The following CPSF1 variants were observed in gnomAD, a reference collection of about 807,000 sequenced individuals.
The protein encoded by CPSF1 is cleavage and polyadenylation specific factor 1.
In CPSF1, 106 loss-of-function variants were observed where a neutral mutation model predicts 175.8. That is an observed-to-expected ratio of 0.60 (90% confidence interval 0.52 to 0.71). CPSF1 has a LOEUF of 0.71. Ranked by LOEUF, CPSF1 falls within the 30% of genes least tolerant of loss-of-function variation. The probability of loss-of-function intolerance (pLI) is 0.00; values close to 1 mark genes in which losing one functional copy is unlikely to be tolerated. For synonymous variants in CPSF1, 1,024 were observed against 858.3 expected (o/e 1.19, Z -3.37); for missense variants, 1,734 against 2,022.9 (o/e 0.86, Z 2.74).
rs1554867155 is a variant in CPSF1 at position 144,401,491 on chromosome 8, G to A, written c.245C>T (p.Ala82Val). The A allele has an allele frequency of 6.2e-7, 1 of 1,613,910 alleles. No homozygotes were observed. ...CTTGGCTCCTGCCAGCTGCACGCTG[G>A]CCATGGACATGACGTTGCCAAAGAA... ...FSFFGNVMSM[A>V]SVQLAGAKRD... The change falls in exon 4 of 38, where the codon GCC (alanine) becomes GTC (valine). Residue 82 changes from alanine to valine, a missense_variant. By Grantham distance (64) the Ala-to-Val change is moderately conservative. Transcript: ENST00000616140.
intron 26 of CPSF1, chr8:144,395,901 T>C: frequency 2.3e-6 from 1 of 432,414 alleles, no homozygotes; most frequent in Non-Finnish European, 4.3e-6. Context: ...TGGACAGTCC[T>C]GAGTCCTCAG....
At position 144,394,304 on chromosome 8, in the gene CPSF1, G is replaced by A. The variant is rs1205732573; in HGVS notation, c.3745-4C>T. On this transcript the variant is annotated splice_region_variant and splice_polypyrimidine_tract_variant and intron_variant, in intron 32 of 37. Transcript: ENST00000616140. ...ACACCTCCAGGGGCTTGGCATCCTG[G>A]GGGCGGGAAGGGGGCGTCAGAGGTG... The A allele has an allele frequency of 3.8e-6, 6 of 1,586,438 alleles. No individual in the cohort carries two copies. The highest frequency in any genetic ancestry group is 2.2e-5 in the East Asian group (1 of 44,510).
intron 26 of CPSF1, chr8:144,395,992 T>G: frequency 2.5e-6 from 1 of 393,190 alleles, no homozygotes; most frequent in South Asian, 3.3e-5. Context: ...GGAACCAGGA[T>G]GAGAAAGCCT....
chr8:144,393,520 G>A lies in CPSF1; in HGVS notation c.4216C>T (p.Arg1406Cys), dbSNP rs1554862076. ...TCCATGGTGCTCAGGTACAGGTAGC[G>A]GTTGAGCAGCTCCCCATCCAGCACG... Reference protein sequence around the residue: ...RNVLDGELLNRYLYLSTMERS... With the variant: ...RNVLDGELLNCYLYLSTMERS... The change falls in exon 37 of 38, where the codon CGC becomes TGC. Residue 1406 changes from arginine (R) to cysteine (C), a missense_variant. Physicochemically the swap from Arg to Cys is radical, Grantham distance 180 (BLOSUM62 -3). This residue lies in a region of CPSF1 where 323 missense variants were observed against 338.5 expected (regional missense o/e 0.95). Transcript: ENST00000616140. The A allele has an allele frequency of 1.9e-6, 3 of 1,593,906 alleles. No individual in the cohort carries two copies. The highest frequency in any genetic ancestry group is 1.1e-5 in the South Asian group (1 of 87,458).
At chr8:144,406,010 G>T (rs2116903713) in intron 2 of CPSF1, among the ~76,000 whole-genome samples, 5 of 152,138 alleles carry the variant, frequency 3.3e-5, no homozygotes, top group African/African-American at 1.2e-4. Flanking sequence ...TGAAAACCTG[G>T]CTTCCAGGTC....
chr8:144,402,417 G>A (rs1212993892), intron 2 of CPSF1, among the ~76,000 whole-genome samples: 1 of 152,052 alleles, frequency 6.6e-6, no homozygotes, highest in Non-Finnish European at 1.5e-5. Flanking sequence ...AAGTGATTCT[G>A]CCTCAGCCTC....
Position 144,400,699 on chromosome 8 carries a change from G to T in CPSF1, c.658C>A (p.Leu220Met). Residue 220 changes from leucine (L) to methionine (M), a missense_variant, in exon 7 of 38, where the codon CTG becomes ATG. By Grantham distance (15) the Leu-to-Met change is conservative. Coordinates refer to ENST00000616140, the MANE Select transcript of CPSF1 (RefSeq NM_013291.3). ...HGYYEPTLLI[L>M]FEPNQTWPGR... ...GGCCAGGTCTGGTTGGGCTCAAACA[G>T]GATGAGGAGGGTAGGCTCGTAGTAG... 1 of 1,610,540 alleles carries T rather than the reference G, an allele frequency of 6.2e-7. No individual in the cohort carries two copies. Among genetic ancestry groups the T allele is most frequent in the East Asian group, 2.2e-5 (1 of 44,768 alleles).
At chr8:144,407,350 G>A (rs1300484737) in intron 2 of CPSF1, among the ~76,000 whole-genome samples, 1 of 151,894 alleles carries the variant, frequency 6.6e-6, no homozygotes, top group Non-Finnish European at 1.5e-5. Flanking sequence ...CATGTAGCTA[G>A]GACTACACAC....
chr8:144,393,763 G>GGCA lies in CPSF1; in HGVS notation c.4046_4048dup (p.Leu1349dup). 1 of 1,592,754 alleles carries GGCA rather than the reference G, an allele frequency of 6.3e-7. No homozygotes were observed. The highest frequency in any genetic ancestry group is 8.5e-7 in the Non-Finnish European group (1 of 1,175,638). ...CCGCCGGTAGGTCTTCTCCTGCATG[G>GGCA]GCAGCAGCAGCCCGATGCCGCCGTC... On this transcript the variant is annotated inframe_insertion, in exon 36 of 38. Coordinates refer to ENST00000616140, the MANE Select transcript of CPSF1 (RefSeq NM_013291.3).
rs73717823 is a variant in CPSF1 at position 144,396,402 on chromosome 8, G to A, written c.2925C>T (p.Phe975=). Residue 975 remains phenylalanine, a synonymous_variant, in exon 26 of 38, where the codon TTC becomes TTT. Transcript: ENST00000616140. ...GACAGTTGACATTGTGGAATGGAGC[G>A]AAAGAGTCGACCGGGCCGTCGATGG... ...PMAIDGPVDS[F]APFHNVNCPR... is the part of the protein sequence containing the mutation. The A allele has an allele frequency of 3.8e-5, 60 of 1,590,776 alleles. No homozygotes were observed. The African/African-American group carries it at 5.1e-4, about 13-fold the overall frequency.
In CPSF1 at chr8:144,399,118, C is replaced by T. The variant is rs1820994906; in HGVS notation, c.1467+10G>A. ...CCCCTGCCCCCAGCCCCGACCCCAACCCTGGGCACCTCTTCAGAGAGGAAG... is the reference window on the plus strand; with the variant it reads ...CCCCTGCCCCCAGCCCCGACCCCAATCCTGGGCACCTCTTCAGAGAGGAAG... On this transcript the variant is annotated intron_variant, in intron 15 of 37. Transcript: ENST00000616140. This position sits in a 1 kb window ranked among gnomAD's most constrained non-coding sequence, Gnocchi z 6.4. 6.4e-7 allele frequency: 1 copy of T among 1,557,140 alleles called. No individual in the cohort carries two copies. Among genetic ancestry groups the T allele is most frequent in the Non-Finnish European group, 8.7e-7 (1 of 1,150,804 alleles).
At position 144,398,306 on chromosome 8, in the gene CPSF1, T is replaced by C. The variant is rs782498151; in HGVS notation, c.1890A>G (p.Glu630=). ...QVSPLGIRLL[E]GVNQLHFIPV... is the part of the protein sequence containing the mutation. ...CCAACCACCCCCCCCACCTACCTCC[T>C]TCCAGCAGGCGGATGCCCAGTGGTG... Residue 630 remains glutamate (E), a synonymous_variant, in exon 19 of 38, where the codon GAA becomes GAG. Coordinates refer to ENST00000616140, the MANE Select transcript of CPSF1 (RefSeq NM_013291.3). 7.4e-7 allele frequency: 1 copy of C among 1,355,896 alleles called. No homozygotes were observed. The highest frequency in any genetic ancestry group is 9.8e-7 in the Non-Finnish European group (1 of 1,022,740). The allele number at this position is 1,355,896 out of a possible 1,614,324, so 84.0% of individuals were successfully genotyped here. A position where few individuals can be genotyped will look rare whatever the true frequency, so the allele number is the denominator to read the frequency against.
chr8:144,408,620 C>G (rs2116911391), intron 2 of CPSF1, among the ~76,000 whole-genome samples: 2 of 152,194 alleles, frequency 1.3e-5, no homozygotes, highest in East Asian at 3.8e-4. Flanking sequence ...CTCCTTTATT[C>G]CCGCAGCAGC....
chr8:144,404,431 T>C (rs1226104086), intron 2 of CPSF1, among the ~76,000 whole-genome samples: 1 of 151,200 alleles, frequency 6.6e-6, no homozygotes, highest in Non-Finnish European at 1.5e-5. Flanking sequence ...AGTGGCACAA[T>C]CTTGGCTTAC....
chr8:144,397,026 T>C, intron 23 of CPSF1, 97 bp from the exon 24 acceptor site: 1 of 928,978 alleles, frequency 1.1e-6, no homozygotes, highest in Non-Finnish European at 1.6e-6. Flanking sequence ...GGGGCGGGGC[T>C]GAGATGGGGT....
In CPSF1 at chr8:144,398,063, T is replaced by C. The variant is rs782744396; in HGVS notation, c.1964A>G (p.Tyr655Cys). ...GCCCTCGGCACTCATGATGACCACA[T>C]AGGGGTCGGCCACGGCGCACTGCAC... ...PIVQCAVADP[Y>C]VVIMSAEGHV... The change falls in exon 20 of 38, where the codon TAT becomes TGT. Residue 655 changes from tyrosine to cysteine, a missense_variant. Physicochemically the swap from Tyr to Cys is radical, Grantham distance 194 (BLOSUM62 -2). Around this residue, in one of 10 missense-constraint regions of CPSF1, gnomAD observed 280 missense variants for 349.2 expected, o/e 0.80. Transcript: ENST00000616140. 1.2e-5 allele frequency: 20 copies of C among 1,612,112 alleles called. No homozygotes were observed. Among genetic ancestry groups the C allele is most frequent in the East Asian group, 2.2e-5 (1 of 44,878 alleles).
Position 144,396,744 on chromosome 8 carries a change from G to A in CPSF1, c.2683-3C>T. On this transcript the variant is annotated splice_region_variant and splice_polypyrimidine_tract_variant and intron_variant, in intron 24 of 37. Coordinates refer to ENST00000616140, the MANE Select transcript of CPSF1 (RefSeq NM_013291.3). ...CGGAAGTTGATGTTGTGAGGGACCTGGGGGGGAACCATGCAGGTCCTCCAG... is the reference window on the plus strand; with the variant it reads ...CGGAAGTTGATGTTGTGAGGGACCTAGGGGGGAACCATGCAGGTCCTCCAG... 6.2e-7 allele frequency: 1 copy of A among 1,613,452 alleles called. No homozygotes were observed. The highest frequency in any genetic ancestry group is 1.7e-5 in the Admixed American group (1 of 59,988).
chr8:144,402,288 T>C (rs1255771536), intron 2 of CPSF1, among the ~76,000 whole-genome samples: 4 of 152,144 alleles, frequency 2.6e-5, no homozygotes, highest in Non-Finnish European at 5.9e-5. Context: ...AAAAGTGGTT[T>C]TTGTTTTGTT....
rs782105951 is a variant in CPSF1 at position 144,393,690 on chromosome 8, G to C, written c.4122C>G (p.Ala1374=). The part of the protein sequence containing the change: ...NALTTMLPHH[A]GLNPRAFRML... ...ACCGGAAGGCGCGGGGGTTGAGGCCGGCGTGGTGTGGCAGCATGGTGGTCA... is the reference window on the plus strand; with the variant it reads ...ACCGGAAGGCGCGGGGGTTGAGGCCCGCGTGGTGTGGCAGCATGGTGGTCA... Residue 1374 remains alanine, a synonymous_variant, in exon 36 of 38, where the codon GCC becomes GCG. Transcript: ENST00000616140. 6.4e-7 allele frequency: 1 copy of C among 1,562,102 alleles called. No individual in the cohort carries two copies. Among genetic ancestry groups the C allele is most frequent in the East Asian group, 2.3e-5 (1 of 42,998 alleles).
Sources: allele counts gnomAD v4.1 joint callset (sites outside exome capture counted in the v4.1 genomes callset), GRCh38; gene constraint gnomAD v4.1.1; regional missense constraint gnomAD v4.1.1; non-coding constraint Gnocchi (gnomAD v3.1); transcripts MANE v1.5; gene names NCBI Gene and HGNC (gene_info 2026-07-23, HGNC 2026-07-21).